Variants in PODXL2 observed in about 807,000 individuals in gnomAD.
PODXL2 encodes the protein podocalyxin like 2, also known as podocalyxin-like protein 2.
A neutral mutation model predicts 53.4 loss-of-function variants in PODXL2; 17 were observed. The ratio of observed to expected loss-of-function variants is 0.32; its 90% CI spans 0.22 to 0.48. The LOEUF (loss-of-function observed/expected upper bound fraction) is 0.48, where lower values mean the gene tolerates loss of function less well. Ranked by LOEUF, PODXL2 falls within the 20% of genes least tolerant of loss-of-function variation. The pLI, the probability that PODXL2 is intolerant of heterozygous loss-of-function variation, is 0.99. For synonymous variants in PODXL2, 311 were observed against 306.7 expected (o/e 1.01, Z -0.15); for missense variants, 673 against 760.0 (o/e 0.89, Z 1.35).
Position 127,639,478 on chromosome 3 carries a change from G to A in PODXL2, c.304G>A (p.Glu102Lys). The change falls in exon 2 of 8, where the codon GAG becomes AAG. Residue 102 changes from glutamate (E) to lysine (K), a missense_variant. Glu to Lys is a moderately conservative substitution (Grantham distance 56). Transcript: ENST00000342480. ...GCCACCACAGTACTTCTGGGAAGAG[G>A]AGGAAGAGCTGAATGACTCAAGTCT... ...LQPPQYFWEE[E>K]EELNDSSLDL... 1 of 1,614,230 alleles carries A rather than the reference G, an allele frequency of 6.2e-7. No individual in the cohort carries two copies. The highest frequency in any genetic ancestry group is 8.5e-7 in the Non-Finnish European group (1 of 1,180,004).
At chr3:127,646,538 C>T (rs1231633676) in intron 2 of PODXL2, among the ~76,000 whole-genome samples, 1 of 152,136 alleles carries the variant, frequency 6.6e-6, no homozygotes, top group Non-Finnish European at 1.5e-5. Flanking sequence ...CAGGGGTGCA[C>T]CACTATGCCT....
intron 2 of PODXL2, among the ~76,000 whole-genome samples, chr3:127,654,814 C>T (rs893503473): frequency 5.5e-4 from 84 of 152,232 alleles, no homozygotes; most frequent in Non-Finnish European, 8.8e-4. Context: ...TGGCCAGGTG[C>T]GGTGGCTTAC....
rs1205295914 is a variant in PODXL2 at position 127,668,598 on chromosome 3, G to A, written c.1363+1G>A. On this transcript the variant is annotated splice_donor_variant, in intron 5 of 7. Transcript: ENST00000342480. LOFTEE classifies it high-confidence loss of function. ...CTCATGACACTGGTGGGCGAGCAGG[G>A]TGAGCGAGGGCAGGTGATGGGAGGG... The A allele has an allele frequency of 6.6e-7, 1 of 1,525,228 alleles. No individual in the cohort carries two copies. 94.5% of individuals were successfully genotyped at this position (1,525,228 alleles called of 1,614,324 possible).
At chr3:127,642,015 G>A (rs1014234839) in intron 2 of PODXL2, among the ~76,000 whole-genome samples, 21 of 330 alleles carry the variant, frequency 0.064, no homozygotes, top group African/African-American at 0.14. Flanking sequence ...TATTAGGGCC[G>A]GGCACGTGGC....
chr3:127,668,845 G>A (rs2074812695), intron 5 of PODXL2, among the ~76,000 whole-genome samples: 2 of 152,206 alleles, frequency 1.3e-5, no homozygotes, highest in East Asian at 1.9e-4. Context: ...GCACAGGTGG[G>A]AGATGAATGG....
chr3:127,671,824 C>A (rs2074844342), intron 7 of PODXL2, among the ~76,000 whole-genome samples: 1 of 152,154 alleles, frequency 6.6e-6, no homozygotes, highest in Non-Finnish European at 1.5e-5. Context: ...GGCTGCTAGC[C>A]CCACCAGGGG....
At chr3:127,670,035 C>T (rs368867242) in intron 6 of PODXL2, among the ~76,000 whole-genome samples, 51 of 152,172 alleles carry the variant, frequency 3.4e-4, no homozygotes, top group African/African-American at 1.2e-3. Context: ...TAATGCTGGC[C>T]GCCTCTTCAT....
intron 5 of PODXL2, 127 bp from the exon 6 acceptor site, chr3:127,669,014 G>A (rs1006562943): frequency 8.1e-6 from 5 of 616,364 alleles, no homozygotes; most frequent in Admixed American, 3.2e-5. Flanking sequence ...TTGAGGATCT[G>A]TGTGCAATTT....
At chr3:127,665,405 G>T (rs553331736) in intron 4 of PODXL2, among the ~76,000 whole-genome samples, 1 of 152,212 alleles carries the variant, frequency 6.6e-6, no homozygotes, top group Non-Finnish European at 1.5e-5. Flanking sequence ...AGGAGTTCCA[G>T]GAGTTCAGCC....
intron 1 of PODXL2, among the ~76,000 whole-genome samples, chr3:127,638,759 C>T (rs1275249428): frequency 6.6e-6 from 1 of 152,160 alleles, no homozygotes; most frequent in Non-Finnish European, 1.5e-5. Context: ...GTTCAGGATA[C>T]TGTATTGCTG....
chr3:127,668,416 C>T (rs915092054), intron 4 of PODXL2, 25 bp from the exon 5 acceptor site: 20 of 1,494,830 alleles, frequency 1.3e-5, no homozygotes, highest in South Asian at 4.2e-5. Flanking sequence ...TCACTGAACA[C>T]GGGGGGCTCT....
At chr3:127,648,674 G>C (rs1451197886) in intron 2 of PODXL2, among the ~76,000 whole-genome samples, 1 of 150,900 alleles carries the variant, frequency 6.6e-6, no homozygotes, top group African/African-American at 2.4e-5. Flanking sequence ...GGAGTGCAGT[G>C]GTGTGATCTT....
chr3:127,653,284 G>T (rs1196505817), intron 2 of PODXL2, among the ~76,000 whole-genome samples: 1 of 152,182 alleles, frequency 6.6e-6, no homozygotes, highest in African/African-American at 2.4e-5. Flanking sequence ...AGGATAGCCT[G>T]CCCTGTCCCT....
At chr3:127,663,176 C>T (rs548426108) in intron 4 of PODXL2, among the ~76,000 whole-genome samples, 7 of 152,262 alleles carry the variant, frequency 4.6e-5, no homozygotes, top group South Asian at 4.1e-4. Flanking sequence ...GGGACCCAGC[C>T]GTTTCTTAAG....
Position 127,660,584 on chromosome 3 carries a change from G to A in PODXL2, c.556G>A (p.Glu186Lys), listed in dbSNP as rs1432013742. The A allele has an allele frequency of 6.2e-7, 1 of 1,614,160 alleles. No homozygotes were observed. ...EEVEKQEEEE[E>K]EELLPVNGSQ... ...GGTAGAGAAACAAGAGGAGGAGGAAGAGGAGGAGCTGCTCCCTGTGAATGG... is the reference window on the plus strand; with the variant it reads ...GGTAGAGAAACAAGAGGAGGAGGAAAAGGAGGAGCTGCTCCCTGTGAATGG... Residue 186 changes from glutamate (E) to lysine (K), a missense_variant, in exon 3 of 8, where the codon GAG (glutamate) becomes AAG (lysine). By Grantham distance (56) the Glu-to-Lys change is moderately conservative. Transcript: ENST00000342480.
intron 2 of PODXL2, among the ~76,000 whole-genome samples, chr3:127,641,220 A>ATTAT (rs1288564376): frequency 6.6e-6 from 1 of 151,210 alleles, no homozygotes; most frequent in Non-Finnish European, 1.5e-5. Context: ...ACAACATGTT[A>ATTAT]TTATTTATTT....
Position 127,629,429 on chromosome 3 carries a change from G to T in PODXL2, c.70+140G>T, listed in dbSNP as rs188439619. The T allele has an allele frequency of 1.2e-3, 777 of 651,832 alleles. 21 individuals carry two copies. The Admixed American group carries it at 0.041, about 35-fold the overall frequency. 40.4% of individuals were successfully genotyped at this position (651,832 alleles called of 1,614,324 possible). A position where few individuals can be genotyped will look rare whatever the true frequency, so the allele number is the denominator to read the frequency against. On this transcript the variant is annotated intron_variant, in intron 1 of 7. Transcript: ENST00000342480. The surrounding 1 kb of genome is among the most constrained non-coding windows in gnomAD (Gnocchi z 6.4). ...CGTGTCCCGGCCGGGCCGCGGCGCC[G>T]CCCCGACACACGCGCACGAGGAGTG...
Position 127,629,961 on chromosome 3 carries a change from T to G in PODXL2, c.70+672T>G, listed in dbSNP as rs1014409561. ...ACACGAGGGAGGTGTGAGACTCAGA[T>G]GTGTGGTTTCCATTCAGCAGCCACG... On this transcript the variant is annotated intron_variant, in intron 1 of 7. Coordinates refer to ENST00000342480, the MANE Select transcript of PODXL2 (RefSeq NM_015720.4). This position sits in a 1 kb window ranked among gnomAD's most constrained non-coding sequence, Gnocchi z 6.4. Among the ~76,000 whole-genome samples the G allele has an allele frequency of 6.6e-6, 1 of 151,758 alleles. No individual in the cohort carries two copies. The highest frequency in any genetic ancestry group is 2.4e-5 in the African/African-American group (1 of 41,318).
chr3:127,660,510 G>GAGAGGAGGAAGAAGAGGAAGAGGA lies in PODXL2; in HGVS notation c.492_515dup (p.Glu165_Glu172dup). On this transcript the variant is annotated inframe_insertion, in exon 3 of 8. Coordinates refer to ENST00000342480, the MANE Select transcript of PODXL2 (RefSeq NM_015720.4). The stretch of plus-strand genomic sequence containing the variant: ...GAGCCTCCCTGGCATATGCCTCCCA[G>GAGAGGAGGAAGAAGAGGAAGAGGA]AGAGGAGGAAGAAGAGGAAGAGGAA... The GAGAGGAGGAAGAAGAGGAAGAGGA allele has an allele frequency of 1.9e-6, 3 of 1,613,910 alleles. No homozygotes were observed. The South Asian group carries it at 3.3e-5, about 18-fold the overall frequency.
Sources: gnomAD v4.1 joint callset for allele counts (sites outside exome capture counted in the v4.1 genomes callset) on GRCh38, gnomAD v4.1.1 for gene constraint, Gnocchi (gnomAD v3.1) non-coding constraint, MANE v1.5 for transcripts, NCBI Gene and HGNC (gene_info 2026-07-23, HGNC 2026-07-21) for gene names.